The following TSHZ2 variants were observed in gnomAD, a reference collection of about 807,000 sequenced individuals.
TSHZ2 encodes the protein teashirt homolog 2.
Under a neutral mutation model 74.4 loss-of-function variants are expected in TSHZ2, and 21 were observed. The ratio of observed to expected loss-of-function variants is 0.28; its 90% CI spans 0.20 to 0.41. The LOEUF is 0.41. TSHZ2 is among the 10% of genes least tolerant of loss of function. TSHZ2 has a pLI of 1.00. For missense variants in TSHZ2, 1,244 were observed against 1,293.5 expected, an observed-to-expected ratio of 0.96 and a Z score of 0.59; for synonymous variants, 540 against 515.3, an observed-to-expected ratio of 1.05 and a Z score of -0.65.
At chr20:53,208,237 C>T (rs1029926572) in intron 1 of TSHZ2, among the ~76,000 whole-genome samples, 1 of 152,024 alleles carries the variant, frequency 6.6e-6, no homozygotes, top group African/African-American at 2.4e-5. Context: ...TGAAGACCAC[C>T]CTAATGTCTT....
intron 2 of TSHZ2, among the ~76,000 whole-genome samples, chr20:53,376,698 C>T (rs914831186): frequency 6.6e-6 from 1 of 152,188 alleles, no homozygotes; most frequent in African/African-American, 2.4e-5. Context: ...AGCTGGGCAT[C>T]TCCCCTTCAC....
intron 1 of TSHZ2, among the ~76,000 whole-genome samples, chr20:53,233,787 G>A (rs1002334833): frequency 1.3e-5 from 2 of 152,058 alleles, no homozygotes; most frequent in African/African-American, 4.8e-5. Context: ...AATAGTTTCA[G>A]TACTAACAAA....
At chr20:52,997,424 C>A (rs1982246292) in intron 1 of TSHZ2, among the ~76,000 whole-genome samples, 1 of 152,178 alleles carries the variant, frequency 6.6e-6, no homozygotes, top group South Asian at 2.1e-4. Flanking sequence ...AAAAGCATAC[C>A]AGTCCCTTAA....
intron 1 of TSHZ2, among the ~76,000 whole-genome samples, chr20:53,210,042 T>G (rs190145385): frequency 4.4e-4 from 67 of 152,306 alleles, no homozygotes; most frequent in African/African-American, 1.6e-3. Flanking sequence ...AAGAAGCAAA[T>G]TAATAATGAA....
intron 1 of TSHZ2, among the ~76,000 whole-genome samples, chr20:53,218,561 G>A (rs1989486722): frequency 6.6e-6 from 1 of 152,138 alleles, no homozygotes; most frequent in South Asian, 2.1e-4. Flanking sequence ...CAGATGACGA[G>A]ATTAGCTGGA....
At chr20:53,472,705 G>T (rs191144154) in intron 2 of TSHZ2, among the ~76,000 whole-genome samples, 1 of 151,898 alleles carries the variant, frequency 6.6e-6, no homozygotes, top group African/African-American at 2.4e-5. Flanking sequence ...CAGCCTGAGC[G>T]ACGCAGAAGA....
At chr20:53,269,073 T>C (rs1258936058) in intron 2 of TSHZ2, among the ~76,000 whole-genome samples, 1 of 152,000 alleles carries the variant, frequency 6.6e-6, no homozygotes, top group Non-Finnish European at 1.5e-5. Flanking sequence ...GCAAATGTCC[T>C]TGCAGCCCTG....
intron 2 of TSHZ2, among the ~76,000 whole-genome samples, chr20:53,466,247 C>T (rs999355977): frequency 9.9e-5 from 13 of 131,470 alleles, no homozygotes; most frequent in Non-Finnish European, 1.6e-4. Flanking sequence ...GACTCTGCCT[C>T]GAAAAATAAA....
At chr20:53,110,702 A>G (rs967694238) in intron 1 of TSHZ2, among the ~76,000 whole-genome samples, 1 of 152,130 alleles carries the variant, frequency 6.6e-6, no homozygotes, top group Non-Finnish European at 1.5e-5. Flanking sequence ...TCCAACAGCC[A>G]TGGCAGAGAA....
intron 2 of TSHZ2, among the ~76,000 whole-genome samples, chr20:53,336,482 T>C (rs1312932478): frequency 6.6e-6 from 1 of 152,222 alleles, no homozygotes; most frequent in African/African-American, 2.4e-5. Context: ...ATGCCCTGAA[T>C]TCATTGTAAG....
intron 2 of TSHZ2, among the ~76,000 whole-genome samples, chr20:53,298,559 T>C (rs1991424547): frequency 1.3e-5 from 2 of 152,156 alleles, no homozygotes; most frequent in Admixed American, 1.3e-4. Flanking sequence ...CTTGGCTTGT[T>C]TGGGAAACAG....
At chr20:53,075,219 TAAA>T (rs1985330401) in intron 1 of TSHZ2, among the ~76,000 whole-genome samples, 1 of 152,180 alleles carries the variant, frequency 6.6e-6, no homozygotes, top group South Asian at 2.1e-4. Context: ...TGCAAATAAA[TAAA>T]AAAGAGACAG....
At chr20:53,372,464 G>A (rs1981511089) in intron 2 of TSHZ2, among the ~76,000 whole-genome samples, 1 of 152,004 alleles carries the variant, frequency 6.6e-6, no homozygotes. Flanking sequence ...GTGACAGAGT[G>A]AGATCTTGTC....
Position 53,374,105 on chromosome 20 carries a change from G to A in TSHZ2, c.*9-113039G>A, listed in dbSNP as rs1193292803. Among the ~76,000 whole-genome samples, 4 of 152,088 alleles carry A rather than the reference G, an allele frequency of 2.6e-5. No individual in the cohort carries two copies. In the East Asian group the frequency reaches 7.7e-4, roughly 29 times the overall value. ...TTATTATGTCACCCAGGTAATAAAC[G>A]TCGTATCCAATAGGTAGTTTTTGCA... On this transcript the variant is annotated intron_variant, in intron 2 of 2. Coordinates refer to ENST00000371497, the MANE Select transcript of TSHZ2 (RefSeq NM_173485.6).
chr20:53,342,907 C>G (rs1185242209), intron 2 of TSHZ2, among the ~76,000 whole-genome samples: 4 of 143,506 alleles, frequency 2.8e-5, no homozygotes, highest in Non-Finnish European at 6.0e-5. Flanking sequence ...TTCCGTAGGT[C>G]TGGGATGAGG....
At chr20:53,056,782 C>T (rs978493115) in intron 1 of TSHZ2, among the ~76,000 whole-genome samples, 7 of 152,280 alleles carry the variant, frequency 4.6e-5, no homozygotes, top group African/African-American at 1.7e-4. Context: ...TTCAGAACTC[C>T]TTTTGTCTGT....
intron 1 of TSHZ2, among the ~76,000 whole-genome samples, chr20:53,080,979 A>G (rs946976527): frequency 2.6e-5 from 4 of 152,100 alleles, no homozygotes; most frequent in African/African-American, 9.7e-5. Context: ...AGCTTCTTTA[A>G]TCTTCATAAT....
chr20:53,302,489 A>G (rs1978349350), intron 2 of TSHZ2, among the ~76,000 whole-genome samples: 1 of 152,230 alleles, frequency 6.6e-6, no homozygotes, highest in Non-Finnish European at 1.5e-5. Context: ...TGTGGCAAAC[A>G]TGATCCTTGA....
In TSHZ2 at chr20:53,489,853, C is replaced by G. The variant is rs929119435; in HGVS notation, c.*2718C>G. On this transcript the variant is annotated 3_prime_UTR_variant, in exon 3 of 3. Coordinates refer to ENST00000371497, the MANE Select transcript of TSHZ2 (RefSeq NM_173485.6). ...TTCCTAGAGGCCAGGCCTGTCTTCA[C>G]TCAGCCAGCCCTCTGAGGCTTCTAG... 2 of 152,222 alleles carry G rather than the reference C, an allele frequency of 1.3e-5. No homozygotes were observed. Among genetic ancestry groups the G allele is most frequent in the Non-Finnish European group, 2.9e-5 (2 of 68,070 alleles). The allele number at this position is 152,222 out of a possible 1,614,324, so 9.4% of individuals were successfully genotyped here.
Sources: allele counts gnomAD v4.1 joint callset (sites outside exome capture counted in the v4.1 genomes callset), GRCh38; gene constraint gnomAD v4.1.1; transcripts MANE v1.5; gene names NCBI Gene and HGNC (gene_info 2026-07-23, HGNC 2026-07-21).